Variants in MFN1 observed in about 807,000 individuals in gnomAD.
The protein encoded by MFN1 is mitofusin-1.
In MFN1, 65 loss-of-function variants were observed where a neutral mutation model predicts 92.4. The ratio of observed to expected loss-of-function variants is 0.70; its 90% CI spans 0.58 to 0.86. The LOEUF (loss-of-function observed/expected upper bound fraction) is 0.86. Among genes scored for constraint, MFN1 ranks in the 40% least tolerant of loss-of-function variants. The pLI is 0.00. For synonymous variants in MFN1, 297 were observed against 300.9 expected (o/e 0.99, Z 0.13); for missense variants, 781 against 868.0 (o/e 0.90, Z 1.26).
chr3:179,368,503 G>A (rs978849383), intron 9 of MFN1, among the ~76,000 whole-genome samples: 1 of 152,168 alleles, frequency 6.6e-6, no homozygotes, highest in Admixed American at 6.5e-5. Flanking sequence ...ATGACTAATA[G>A]AAGTATACAA....
chr3:179,355,220 C>T (rs1712304045), intron 3 of MFN1, among the ~76,000 whole-genome samples: 1 of 152,146 alleles, frequency 6.6e-6, no homozygotes, highest in Admixed American at 6.5e-5. Context: ...CCAGAGGTCA[C>T]TTTCATCGCC....
intron 4 of MFN1, among the ~76,000 whole-genome samples, chr3:179,359,264 G>A (rs138608111): frequency 0.026 from 3,921 of 152,022 alleles, 186 homozygotes; most frequent in African/African-American, 0.09. Context: ...GGGACTACAG[G>A]CGTGCGCCAC....
intron 16 of MFN1, among the ~76,000 whole-genome samples, chr3:179,389,707 C>T (rs576631828): frequency 1.5e-4 from 23 of 152,128 alleles, no homozygotes; most frequent in African/African-American, 5.3e-4. Flanking sequence ...TCTTACTTTG[C>T]GCAGGGCCCC....
Position 179,386,589 on chromosome 3 carries a change from G to A in MFN1, c.1972G>A (p.Val658Ile), listed in dbSNP as rs1466403315. Residue 658 changes from valine (V) to isoleucine (I), a missense_variant, in exon 16 of 18, where the codon GTT (valine) becomes ATT (isoleucine). By Grantham distance (29) the Val-to-Ile change is conservative (BLOSUM62 3). Coordinates refer to ENST00000471841, the MANE Select transcript of MFN1 (RefSeq NM_033540.3). The stretch of plus-strand genomic sequence containing the variant: ...TGCAACTGAAAAACTGAGGATGATT[G>A]TTAGCTCCACGAGTGCAAACTGCAG... Reference protein sequence around the residue: ...NYATEKLRMIVSSTSANCSHQ... With the variant: ...NYATEKLRMIISSTSANCSHQ... 1.2e-6 allele frequency: 2 copies of A among 1,613,868 alleles called. No individual in the cohort carries two copies. Among genetic ancestry groups the A allele is most frequent in the East Asian group, 2.2e-5 (1 of 44,870 alleles).
Position 179,358,945 on chromosome 3 carries a change from T to C in MFN1, c.354T>C (p.Thr118=), listed in dbSNP as rs748328376. The part of the protein sequence containing the change: ...ITNCFLSVEG[T]DGDKAYLMTE... ...ATTGCTTCCTAAGTGTTGAAGGAACTGATGGAGATAAAGCCTATCTTATGA... is the reference window on the plus strand; with the variant it reads ...ATTGCTTCCTAAGTGTTGAAGGAACCGATGGAGATAAAGCCTATCTTATGA... Residue 118 remains threonine, a synonymous_variant, in exon 4 of 18, where the codon ACT becomes ACC. Coordinates refer to ENST00000471841, the MANE Select transcript of MFN1 (RefSeq NM_033540.3). 1 of 1,614,030 alleles carries C rather than the reference T, an allele frequency of 6.2e-7. No homozygotes were observed. The highest frequency in any genetic ancestry group is 1.3e-5 in the African/African-American group (1 of 75,032).
rs1713915239 is a variant in MFN1 at position 179,391,891 on chromosome 3, T to C, written c.2148-90T>C. The C allele has an allele frequency of 3.9e-6, 3 of 772,578 alleles. No individual in the cohort carries two copies. The Admixed American group carries it at 7.0e-5, about 18-fold the overall frequency. 47.9% of individuals were successfully genotyped at this position (772,578 alleles called of 1,614,324 possible). A position where few individuals can be genotyped will look rare whatever the true frequency, so the allele number is the denominator to read the frequency against. ...CTGTTATGCTCTTCATTGTTTATTA[T>C]TAAAGTTTTTGTCTTTTAATAATGG... On this transcript the variant is annotated intron_variant, in intron 17 of 17. Transcript: ENST00000471841.
rs780916331 is a variant in MFN1 at position 179,368,049 on chromosome 3, TG to T, written c.922del (p.Glu308LysfsTer26). On this transcript the variant is annotated frameshift_variant, in exon 9 of 18. Transcript: ENST00000471841. LOFTEE classifies it high-confidence loss of function. ...TGTACGTTACAGGTGTGGCACTTGCTGAAGGATTTCATGCAAGATTACAGGA... is the reference window on the plus strand; with the variant it reads ...TGTACGTTACAGGTGTGGCACTTGCTAAGGATTTCATGCAAGATTACAGGA... ...GMPESGVALA[E>X]GFHARLQEFQ... The T allele has an allele frequency of 1.9e-6, 3 of 1,569,668 alleles. No individual in the cohort carries two copies. Among genetic ancestry groups the T allele is most frequent in the African/African-American group, 1.4e-5 (1 of 72,902 alleles).
At chr3:179,389,965 T>C in intron 16 of MFN1, 39 bp from the exon 17 acceptor site, 2 of 1,550,350 alleles carry the variant, frequency 1.3e-6, no homozygotes, top group Non-Finnish European at 8.7e-7. Flanking sequence ...TATTCATTTT[T>C]GAAGACATTT....
chr3:179,360,477 C>T (rs1186920459), intron 4 of MFN1, among the ~76,000 whole-genome samples: 1 of 151,486 alleles, frequency 6.6e-6, no homozygotes, highest in Admixed American at 6.6e-5. Context: ...AATATTTTAA[C>T]TTTATCAGAT....
At chr3:179,359,386 C>G (rs941398183) in intron 4 of MFN1, among the ~76,000 whole-genome samples, 1 of 148,420 alleles carries the variant, frequency 6.7e-6, no homozygotes, top group African/African-American at 2.5e-5. Flanking sequence ...TCCCAAAGTG[C>G]TGGGATTATA....
chr3:179,359,282 G>A (rs756134890), intron 4 of MFN1, among the ~76,000 whole-genome samples: 9 of 150,670 alleles, frequency 6.0e-5, no homozygotes, highest in Non-Finnish European at 8.9e-5. Flanking sequence ...CACCACACCC[G>A]GCTAATTTTT....
At chr3:179,376,995 G>T in intron 10 of MFN1, 47 bp from the exon 11 acceptor site, 1 of 1,595,356 alleles carries the variant, frequency 6.3e-7, no homozygotes. Context: ...AAATGCTTTA[G>T]GACTTCAGAC....
At chr3:179,374,346 A>T (rs541774363) in intron 9 of MFN1, among the ~76,000 whole-genome samples, 13 of 141,132 alleles carry the variant, frequency 9.2e-5, no homozygotes, top group South Asian at 2.3e-4. Flanking sequence ...ATATATATAT[A>T]ACATATATAA....
In MFN1 at chr3:179,368,178, A is replaced by G. The variant is rs961437651; in HGVS notation, c.975+75A>G. The G allele has an allele frequency of 8.7e-6, 10 of 1,143,760 alleles. No homozygotes were observed. In the Admixed American group the frequency reaches 2.7e-4, roughly 31 times the overall value. The allele number at this position is 1,143,760 out of a possible 1,614,324, so 70.9% of individuals were successfully genotyped here. ...GGAGAAAGCATAATCTTCTATTTTT[A>G]TCCTTTGTCTTTGTCAATAACTTTT... is the stretch of plus-strand genomic sequence containing the variant. On this transcript the variant is annotated intron_variant, in intron 9 of 17. Coordinates refer to ENST00000471841, the MANE Select transcript of MFN1 (RefSeq NM_033540.3).
At position 179,348,975 on chromosome 3, in the gene MFN1, T is replaced by C; in HGVS notation, c.112+12T>C. 2 of 1,571,736 alleles carry C rather than the reference T, an allele frequency of 1.3e-6. No individual in the cohort carries two copies. The highest frequency in any genetic ancestry group is 1.7e-6 in the Non-Finnish European group (2 of 1,152,740). ...ACATTTTGTTGAAGGTTAGTTCTTCTTAAGTTTTTAAAGTAATTACTGTTG... is the reference window on the plus strand; with the variant it reads ...ACATTTTGTTGAAGGTTAGTTCTTCCTAAGTTTTTAAAGTAATTACTGTTG... On this transcript the variant is annotated intron_variant, in intron 2 of 17. Coordinates refer to ENST00000471841, the MANE Select transcript of MFN1 (RefSeq NM_033540.3).
chr3:179,374,835 T>A (rs1241991235), intron 9 of MFN1, among the ~76,000 whole-genome samples: 1 of 152,226 alleles, frequency 6.6e-6, no homozygotes, highest in Non-Finnish European at 1.5e-5. Flanking sequence ...CTAGGTTATA[T>A]CTTTTGCAAG....
intron 14 of MFN1, among the ~76,000 whole-genome samples, chr3:179,381,143 A>G (rs1259562543): frequency 2.0e-5 from 3 of 152,204 alleles, no homozygotes; most frequent in African/African-American, 7.2e-5. Context: ...ACAACTGCCT[A>G]TAGGCAGCAT....
intron 3 of MFN1, among the ~76,000 whole-genome samples, chr3:179,352,373 G>A (rs1333450257): frequency 6.6e-6 from 1 of 152,190 alleles, no homozygotes; most frequent in Non-Finnish European, 1.5e-5. Context: ...TCAGAAGCTA[G>A]GATGAAATCA....
chr3:179,377,161 C>G lies in MFN1; in HGVS notation c.1217C>G (p.Ala406Gly). The G allele has an allele frequency of 6.2e-7, 1 of 1,613,010 alleles. No individual in the cohort carries two copies. The highest frequency in any genetic ancestry group is 8.5e-7 in the Non-Finnish European group (1 of 1,179,598). ...ATCAAGGAGGTTACCGAGGAGGTGG[C>G]AAACAAAGTGGGTAACAGTAGCTTC... ...KKIKEVTEEV[A>G]NKVSCAMTDE... The change falls in exon 11 of 18, where the codon GCA becomes GGA. Residue 406 changes from alanine (A) to glycine (G), a missense_variant. Transcript: ENST00000471841.
Sources: gnomAD v4.1 joint callset for allele counts (sites outside exome capture counted in the v4.1 genomes callset) on GRCh38, gnomAD v4.1.1 for gene constraint, MANE v1.5 for transcripts, NCBI Gene and HGNC (gene_info 2026-07-23, HGNC 2026-07-21) for gene names.